The following SLC19A1 variants were observed in gnomAD, a reference collection of about 807,000 sequenced individuals.
SLC19A1 encodes the protein reduced folate transporter.
Under a neutral mutation model 35.3 loss-of-function variants are expected in SLC19A1, and 37 were observed. That is an observed-to-expected ratio of 1.05 (90% CI 0.81 to 1.38). SLC19A1 has a LOEUF of 1.38. Ranked by LOEUF, SLC19A1 falls within the 40% of genes most tolerant of loss-of-function variation. The pLI is 0.00. For missense variants in SLC19A1, 831 were observed against 826.9 expected, an observed-to-expected ratio of 1.00 and a Z score of -0.06; for synonymous variants, 460 against 398.5, an observed-to-expected ratio of 1.15 and a Z score of -1.84.
At chr21:45,518,489 C>T (rs2038077175) in intron 5 of SLC19A1, among the ~76,000 whole-genome samples, 1 of 152,280 alleles carries the variant, frequency 6.6e-6, no homozygotes, top group South Asian at 2.1e-4. Flanking sequence ...GTGAGATGTA[C>T]ACTGCAGATT....
chr21:45,510,475 C>G (rs1351758938), downstream of SLC19A1, among the ~76,000 whole-genome samples: 1 of 152,174 alleles, frequency 6.6e-6, no homozygotes, highest in African/African-American at 2.4e-5. Context: ...GCCACGTCCC[C>G]CAGGGCATCC....
At chr21:45,512,488 C>T (rs1166517678), downstream of SLC19A1, 9 of 1,239,544 alleles carry the variant, frequency 7.3e-6, no homozygotes, top group Admixed American at 1.8e-4. Flanking sequence ...GCCCCTGGCC[C>T]CAGGACCTGG....
At chr21:45,550,204 C>T (rs1490870962) in intron 1 of SLC19A1, among the ~76,000 whole-genome samples, 1 of 152,146 alleles carries the variant, frequency 6.6e-6, no homozygotes, top group Non-Finnish European at 1.5e-5. Flanking sequence ...CCATGCACCG[C>T]CCTGGTCACT....
upstream of SLC19A1, among the ~76,000 whole-genome samples, chr21:45,542,737 G>T (rs1173230702): frequency 1.4e-5 from 2 of 145,546 alleles, no homozygotes; most frequent in Non-Finnish European, 3.0e-5. Flanking sequence ...TGCCACTCGC[G>T]GAGGTGTCGG....
intron 5 of SLC19A1, 31 bp downstream of exon 5, chr21:45,525,786 C>G: frequency 1.2e-6 from 2 of 1,609,290 alleles, no homozygotes; most frequent in Non-Finnish European, 1.7e-6. Context: ...TAGCTTCCAT[C>G]CCCGAGGACG....
rs1430184899 is a variant in SLC19A1, at chr21:45,549,602, T to A, written c.-49-11594A>T. Among the ~76,000 whole-genome samples, 13 of 136,608 alleles carry A rather than the reference T, an allele frequency of 9.5e-5. No homozygotes were observed. In the Admixed American group the frequency reaches 9.7e-4, roughly 10 times the overall value. The allele number at this position is 136,608 out of a possible 152,430, so 89.6% of individuals were successfully genotyped here. A position where few individuals can be genotyped will look rare whatever the true frequency, so the allele number is the denominator to read the frequency against. The stretch of plus-strand genomic sequence containing the variant: ...GGGAGAACCCAGAACAGCCTCAGCC[T>A]CGGGAGAAAAGGGCAGTGATGTGGC... On this transcript the variant is annotated intron_variant, in intron 1 of 5. Transcript: ENST00000650808.
In SLC19A1 at chr21:45,513,866, T is replaced by C. The variant is rs2037751643; in HGVS notation, c.*1792A>G. On this transcript the variant is annotated 3_prime_UTR_variant, in exon 6 of 6. Transcript: ENST00000311124. ...CACGGTTACATGGGGTATGCATGCATGGCCATACACAGGCGTGCAGTTGTA... is the reference window on the plus strand; with the variant it reads ...CACGGTTACATGGGGTATGCATGCACGGCCATACACAGGCGTGCAGTTGTA... 1 of 152,244 alleles carries C rather than the reference T, an allele frequency of 6.6e-6. No homozygotes were observed. Among genetic ancestry groups the C allele is most frequent in the Admixed American group, 6.5e-5 (1 of 15,290 alleles). The allele number at this position is 152,244 out of a possible 1,614,324, so 9.4% of individuals were successfully genotyped here.
At chr21:45,521,016 A>G (rs1294172636) in intron 5 of SLC19A1, among the ~76,000 whole-genome samples, 3 of 121,542 alleles carry the variant, frequency 2.5e-5, no homozygotes, top group African/African-American at 3.5e-5. Flanking sequence ...GCGAAACTCC[A>G]TCTCAAAAAA....
intron 3 of SLC19A1, chr21:45,505,739 C>T (rs932883675): frequency 5.0e-5 from 50 of 996,948 alleles, no homozygotes; most frequent in Middle Eastern, 3.0e-4. Context: ...CAAAGCCCTG[C>T]GGCCCCTGCC....
chr21:45,510,125 A>G, downstream of SLC19A1: 1 of 1,600,122 alleles, frequency 6.2e-7, no homozygotes, highest in Non-Finnish European at 8.5e-7. Context: ...CGCGGGGCCG[A>G]CTTCCAGTGC....
chr21:45,510,116 G>A (rs770331440), downstream of SLC19A1: 24 of 1,596,768 alleles, frequency 1.5e-5, no homozygotes, highest in Admixed American at 3.4e-5. Context: ...CGGGGCATCC[G>A]CGGGGCCGAC....
chr21:45,509,403 C>T, downstream of SLC19A1: 1 of 1,543,192 alleles, frequency 6.5e-7, no homozygotes, highest in Non-Finnish European at 8.7e-7. Flanking sequence ...AGCTGCACGA[C>T]AGCAACCCCT....
At position 45,530,128 on chromosome 21, in the gene SLC19A1, TGTGTTCATGTGA is replaced by T. The variant is rs559510036; in HGVS notation, c.1151+630_1151+641del. Among the ~76,000 whole-genome samples the T allele has an allele frequency of 1.3e-4, 20 of 150,392 alleles. No homozygotes were observed. The highest frequency in any genetic ancestry group is 4.7e-4 in the African/African-American group (19 of 40,690). Reference sequence around the variant, plus strand: ...GGTGTATCCATCTGTGAGCGTGTGGTGTGTTCATGTGAGTGTGCATTGTGTGTCCGTGTGTGT... The same window carrying T: ...GGTGTATCCATCTGTGAGCGTGTGGTGTGTGCATTGTGTGTCCGTGTGTGT... On this transcript the variant is annotated intron_variant, in intron 4 of 5. Coordinates refer to ENST00000311124, the MANE Select transcript of SLC19A1 (RefSeq NM_194255.4). The surrounding 1 kb of genome is among the most constrained non-coding windows in gnomAD (Gnocchi z 5.3).
Position 45,505,429 on chromosome 21 carries a change from G to A in SLC19A1, c.498-6817C>T. 9.1e-6 allele frequency: 14 copies of A among 1,539,988 alleles called. No individual in the cohort carries two copies. Among genetic ancestry groups the A allele is most frequent in the Non-Finnish European group, 1.2e-5 (14 of 1,125,112 alleles). ...CCCTGGAACCATGGGCGCCTCCTCA[G>A]GGGTAAGTGTCTGGGCAGCCGGCTG... On this transcript the variant is annotated intron_variant, in intron 3 of 4. Coordinates refer to the SLC19A1 transcript ENST00000417954.
Position 45,504,416 on chromosome 21 carries a change from G to T in SLC19A1, c.498-5804C>A, listed in dbSNP as rs767090801. 1.9e-6 allele frequency: 3 copies of T among 1,611,446 alleles called. No homozygotes were observed. Among genetic ancestry groups the T allele is most frequent in the Non-Finnish European group, 2.5e-6 (3 of 1,179,242 alleles). On this transcript the variant is annotated intron_variant, in intron 3 of 4. Coordinates refer to the SLC19A1 transcript ENST00000417954. ...GTGTAACAAGTGTTTCCGTCCACAG[G>T]GGGAGAAGGGAGACCGAGGTGATGC...
chr21:45,525,841 G>GC lies in SLC19A1; in HGVS notation c.1268dup (p.Leu424ProfsTer112), dbSNP rs2077593697. 1 of 1,613,382 alleles carries GC rather than the reference G, an allele frequency of 6.2e-7. No individual in the cohort carries two copies. The highest frequency in any genetic ancestry group is 8.5e-7 in the Non-Finnish European group (1 of 1,179,960). The stretch of plus-strand genomic sequence containing the variant: ...CCTGCTTGCGGACCGGGAGGCCCAG[G>GC]CCCCGCACGTCCGAGACAATGAAAG... On this transcript the variant is annotated frameshift_variant, in exon 5 of 6. Transcript: ENST00000311124. LOFTEE classifies it low-confidence loss of function (END_TRUNC).
intron 3 of SLC19A1, chr21:45,505,261 C>T (rs768212233): frequency 4.4e-6 from 7 of 1,608,316 alleles, no homozygotes; most frequent in Non-Finnish European, 5.9e-6. Context: ...CCTTCATTTC[C>T]TGGCCCTCAC....
intron 2 of SLC19A1, among the ~76,000 whole-genome samples, chr21:45,537,339 G>A (rs1341896327): frequency 3.3e-5 from 5 of 152,174 alleles, no homozygotes; most frequent in Admixed American, 1.3e-4. Context: ...CCACTCACCC[G>A]CTCCAGCCTC....
At chr21:45,553,936 T>C (rs1252743605) in intron 1 of SLC19A1, among the ~76,000 whole-genome samples, 1 of 2,642 alleles carries the variant, frequency 3.8e-4, no homozygotes, top group Non-Finnish European at 5.8e-4. Context: ...CAGTCCCCCG[T>C]GCCCCCCTCC....
Sources: gnomAD v4.1 joint callset for allele counts (sites outside exome capture counted in the v4.1 genomes callset) on GRCh38, gnomAD v4.1.1 for gene constraint, Gnocchi (gnomAD v3.1) non-coding constraint, MANE v1.5 for transcripts, NCBI Gene and HGNC (gene_info 2026-07-23, HGNC 2026-07-21) for gene names.